The following SMG8 variants were observed in gnomAD, a reference collection of about 807,000 sequenced individuals.
SMG8 encodes the protein SMG8 nonsense mediated mRNA decay factor, also known as nonsense-mediated mRNA decay factor SMG8.
SMG8 carries 49 observed loss-of-function variants against 82.1 expected under a neutral mutation model. The ratio of observed to expected loss-of-function variants is 0.60; its 90% CI spans 0.47 to 0.76. The LOEUF (loss-of-function observed/expected upper bound fraction) is 0.76, where lower values mean the gene tolerates loss of function less well. Ranked by LOEUF, SMG8 falls within the 30% of genes least tolerant of loss-of-function variation. The pLI is 0.00. For synonymous variants in SMG8, 404 were observed against 430.0 expected, an observed-to-expected ratio of 0.94 and a Z score of 0.75; for missense variants, 969 against 1,166.4, an observed-to-expected ratio of 0.83 and a Z score of 2.46.
intron 1 of SMG8, 63 bp from the exon 2 acceptor site, chr17:59,212,278 A>G: frequency 7.0e-7 from 1 of 1,428,968 alleles, no homozygotes; most frequent in Non-Finnish European, 9.5e-7. Context: ...TAGATGTTGT[A>G]GAATGCAAAG....
chr17:59,213,517 A>G lies in SMG8; in HGVS notation c.2694A>G (p.Arg898=). The change falls in exon 3 of 4, where the codon AGA becomes AGG. Residue 898 remains arginine (R), a synonymous_variant. Coordinates refer to ENST00000300917, the MANE Select transcript of SMG8 (RefSeq NM_018149.7). ...ATATTCTGTCATCCTCTCAAGGTAG[A>G]GGGCTGAAACCTCATTATGCTCAAC... ...PLYILSSSQG[R]GLKPHYAQLM... The G allele has an allele frequency of 2.5e-6, 4 of 1,614,226 alleles. No homozygotes were observed. The highest frequency in any genetic ancestry group is 3.4e-6 in the Non-Finnish European group (4 of 1,180,040).
In SMG8 at chr17:59,210,255, G is replaced by T. The variant is rs1230928778; in HGVS notation, c.204G>T (p.Val68=). ...TGAATTCCGAGAAGTTCTCTCTTGT[G>T]AATACGGTGTGCGACCGACAGGTCT... ...LRLNSEKFSL[V]NTVCDRQVFP... is the part of the protein sequence containing the mutation. The change falls in exon 1 of 4, where the codon GTG becomes GTT. Residue 68 remains valine (V), a synonymous_variant. Transcript: ENST00000300917. 1 of 1,612,866 alleles carries T rather than the reference G, an allele frequency of 6.2e-7. No individual in the cohort carries two copies. Among genetic ancestry groups the T allele is most frequent in the Non-Finnish European group, 8.5e-7 (1 of 1,179,722 alleles).
Position 59,210,995 on chromosome 17 carries a change from G to C in SMG8, c.944G>C (p.Ser315Thr). The change falls in exon 1 of 4, where the codon AGT becomes ACT. Residue 315 changes from serine to threonine, a missense_variant. Around this residue, in one of 3 missense-constraint regions of SMG8, gnomAD observed 662 missense variants for 884.8 expected, o/e 0.75. Coordinates refer to ENST00000300917, the MANE Select transcript of SMG8 (RefSeq NM_018149.7). ...CAGATCTATAGAATCTTCCGGAAGA[G>C]TCGTGTCTTGACTAATCAGAGCATC... is the stretch of plus-strand genomic sequence containing the variant. ...EDQIYRIFRK[S>T]RVLTNQSINC... 3 of 1,614,234 alleles carry C rather than the reference G, an allele frequency of 1.9e-6. No individual in the cohort carries two copies. The highest frequency in any genetic ancestry group is 2.5e-6 in the Non-Finnish European group (3 of 1,180,052).
In SMG8 at chr17:59,215,097, A is replaced by T; in HGVS notation, c.*95A>T. 1 of 738,214 alleles carries T rather than the reference A, an allele frequency of 1.4e-6. No individual in the cohort carries two copies. The highest frequency in any genetic ancestry group is 2.2e-5 in the Admixed American group (1 of 44,664). 45.7% of individuals were successfully genotyped at this position (738,214 alleles called of 1,614,324 possible). On this transcript the variant is annotated 3_prime_UTR_variant, in exon 4 of 4. Transcript: ENST00000300917. ...GGTATGTGTTTACTGTGTTTTCCCAAATCCAAAATGTGTTTTGGTTACAGG... is the reference window on the plus strand; with the variant it reads ...GGTATGTGTTTACTGTGTTTTCCCATATCCAAAATGTGTTTTGGTTACAGG...
At chr17:59,212,586 A>G in intron 2 of SMG8, 100 bp downstream of exon 2, 1 of 1,480,178 alleles carries the variant, frequency 6.8e-7, no homozygotes, top group Non-Finnish European at 9.1e-7. Context: ...AGAAAAGCAA[A>G]TGCAACTGCA....
Position 59,210,754 on chromosome 17 carries a change from C to G in SMG8, c.703C>G (p.Gln235Glu). The G allele has an allele frequency of 6.2e-7, 1 of 1,614,064 alleles. No homozygotes were observed. The highest frequency in any genetic ancestry group is 1.3e-5 in the African/African-American group (1 of 75,032). ...RVFRALDGLRQKVLPLLKTAI... is the reference protein window; with the variant it reads ...RVFRALDGLREKVLPLLKTAI... The stretch of plus-strand genomic sequence containing the variant: ...ATTCAGAGCCCTGGATGGGCTGAGA[C>G]AGAAGGTCCTGCCGCTCCTTAAAAC... The change falls in exon 1 of 4, where the codon CAG becomes GAG. Residue 235 changes from glutamine to glutamate, a missense_variant. Around this residue, in one of 3 missense-constraint regions of SMG8, gnomAD observed 662 missense variants for 884.8 expected, o/e 0.75. Transcript: ENST00000300917.
At chr17:59,211,950 C>T in intron 1 of SMG8, 140 bp downstream of exon 1, 1 of 695,374 alleles carries the variant, frequency 1.4e-6, no homozygotes, top group Non-Finnish European at 2.1e-6. Context: ...TATACGTTTT[C>T]TCTCCTGCTG....
rs369964994 is a variant in SMG8, at chr17:59,210,150, C to T, written c.99C>T (p.Ser33=). The stretch of plus-strand genomic sequence containing the variant: ...GGTCCCCTACTGAGGGCGGAGGGAG[C>T]GCGGCTGGCGGACCGGAGCCTCCAT... ...PGGSPTEGGG[S]AAGGPEPPWR... Residue 33 remains serine, a synonymous_variant, in exon 1 of 4, where the codon AGC becomes AGT. Coordinates refer to ENST00000300917, the MANE Select transcript of SMG8 (RefSeq NM_018149.7). The T allele has an allele frequency of 3.8e-6, 6 of 1,585,848 alleles. No homozygotes were observed. Among genetic ancestry groups the T allele is most frequent in the Non-Finnish European group, 5.1e-6 (6 of 1,166,828 alleles).
rs745537982 is a variant in SMG8, at chr17:59,210,760, G to A, written c.709G>A (p.Val237Ile). The A allele has an allele frequency of 6.2e-7, 1 of 1,613,916 alleles. No homozygotes were observed. Among genetic ancestry groups the A allele is most frequent in the African/African-American group, 1.3e-5 (1 of 74,902 alleles). The change falls in exon 1 of 4, where the codon GTC (valine) becomes ATC (isoleucine). Residue 237 changes from valine (V) to isoleucine (I), a missense_variant. Val to Ile is a conservative substitution (Grantham distance 29). Around this residue, in one of 3 missense-constraint regions of SMG8, gnomAD observed 662 missense variants for 884.8 expected, o/e 0.75. Transcript: ENST00000300917. ...FRALDGLRQK[V>I]LPLLKTAIKD... is the part of the protein sequence containing the mutation. ...AGCCCTGGATGGGCTGAGACAGAAG[G>A]TCCTGCCGCTCCTTAAAACAGCCAT...
chr17:59,210,754 C>T lies in SMG8; in HGVS notation c.703C>T (p.Gln235Ter). The T allele has an allele frequency of 6.2e-7, 1 of 1,614,064 alleles. No individual in the cohort carries two copies. The highest frequency in any genetic ancestry group is 8.5e-7 in the Non-Finnish European group (1 of 1,179,986). Residue 235 changes from glutamine (Q) to a stop codon, truncating the protein, a stop_gained, in exon 1 of 4, where the codon CAG becomes TAG. Coordinates refer to ENST00000300917, the MANE Select transcript of SMG8 (RefSeq NM_018149.7). LOFTEE classifies it high-confidence loss of function. ...RVFRALDGLR[Q>*]KVLPLLKTAI... Reference sequence around the variant, plus strand: ...ATTCAGAGCCCTGGATGGGCTGAGACAGAAGGTCCTGCCGCTCCTTAAAAC... The same window carrying T: ...ATTCAGAGCCCTGGATGGGCTGAGATAGAAGGTCCTGCCGCTCCTTAAAAC...
At position 59,213,551 on chromosome 17, in the gene SMG8, C is replaced by T. The variant is rs766383000; in HGVS notation, c.2728C>T (p.Leu910Phe). The change falls in exon 3 of 4, where the codon CTT (leucine) becomes TTT (phenylalanine). Residue 910 changes from leucine to phenylalanine, a missense_variant. Leu to Phe is a conservative substitution (Grantham distance 22). Coordinates refer to ENST00000300917, the MANE Select transcript of SMG8 (RefSeq NM_018149.7). ...ACCTCATTATGCTCAACTTATGAGGCTTTTTGTTGTGGTTCCTGATGCTCC... is the reference window on the plus strand; with the variant it reads ...ACCTCATTATGCTCAACTTATGAGGTTTTTTGTTGTGGTTCCTGATGCTCC... ...LKPHYAQLMR[L>F]FVVVPDAPLQ... is the part of the protein sequence containing the mutation. 21 of 1,613,738 alleles carry T rather than the reference C, an allele frequency of 1.3e-5. No homozygotes were observed. The Admixed American group carries it at 3.0e-4, about 23-fold the overall frequency.
Position 59,211,717 on chromosome 17 carries a change from T to G in SMG8, c.1666T>G (p.Tyr556Asp). Residue 556 changes from tyrosine to aspartate, a missense_variant, in exon 1 of 4, where the codon TAC (tyrosine) becomes GAC (aspartate). Tyr to Asp is a radical substitution (Grantham distance 160). Transcript: ENST00000300917. ...CGCCATGCAGTTACATGAGGACTGC[T>G]ACAAATTTTGGAGCAATGGCCATCA... is the stretch of plus-strand genomic sequence containing the variant. ...KYAMQLHEDCYKFWSNGHQLC... is the reference protein window; with the variant it reads ...KYAMQLHEDCDKFWSNGHQLC... 1.2e-6 allele frequency: 2 copies of G among 1,613,812 alleles called. No homozygotes were observed. The highest frequency in any genetic ancestry group is 1.7e-6 in the Non-Finnish European group (2 of 1,179,930).
intron 3 of SMG8, among the ~76,000 whole-genome samples, chr17:59,214,574 A>T (rs1297310144): frequency 6.6e-6 from 1 of 151,666 alleles, no homozygotes; most frequent in Admixed American, 6.6e-5. Context: ...CACCTGACTA[A>T]TTTTTTGTAT....
Position 59,210,507 on chromosome 17 carries a change from C to T in SMG8, c.456C>T (p.Leu152=), listed in dbSNP as rs1174343616. ...YSQESKVLYL[L]LTSICDNSQL... ...AGGAAAGCAAAGTTCTGTATCTTCT[C>T]CTCACCTCCATCTGTGACAATTCAC... The change falls in exon 1 of 4, where the codon CTC becomes CTT. Residue 152 remains leucine (L), a synonymous_variant. Transcript: ENST00000300917. 6.4e-7 allele frequency: 1 copy of T among 1,568,736 alleles called. No homozygotes were observed. The highest frequency in any genetic ancestry group is 2.2e-5 in the East Asian group (1 of 44,658).
At position 59,210,367 on chromosome 17, in the gene SMG8, G is replaced by A; in HGVS notation, c.316G>A (p.Glu106Lys). 1.2e-6 allele frequency: 2 copies of A among 1,611,068 alleles called. No homozygotes were observed. Among genetic ancestry groups the A allele is most frequent in the Non-Finnish European group, 1.7e-6 (2 of 1,178,832 alleles). Residue 106 changes from glutamate to lysine, a missense_variant, in exon 1 of 4, where the codon GAG (glutamate) becomes AAG (lysine). Glu to Lys is a moderately conservative substitution (Grantham distance 56, BLOSUM62 1). Around this residue, in one of 3 missense-constraint regions of SMG8, gnomAD observed 206 missense variants for 190.5 expected, o/e 1.08. Transcript: ENST00000300917. Reference protein sequence around the residue: ...AGAVGEAGGAEDPGAAAGGSV... With the variant: ...AGAVGEAGGAKDPGAAAGGSV... The stretch of plus-strand genomic sequence containing the variant: ...CGCCGTGGGTGAGGCCGGTGGAGCC[G>A]AGGACCCTGGGGCTGCAGCCGGGGG...
chr17:59,214,081 G>A (rs1447008097), intron 3 of SMG8, among the ~76,000 whole-genome samples: 5 of 152,044 alleles, frequency 3.3e-5, no homozygotes, highest in African/African-American at 9.7e-5. Context: ...TCAGGAGTTC[G>A]AGACAAGCCT....
In SMG8 at chr17:59,212,438, T is replaced by C. The variant is rs2046949866; in HGVS notation, c.1857T>C (p.Pro619=). 1.9e-6 allele frequency: 3 copies of C among 1,609,410 alleles called. No individual in the cohort carries two copies. Among genetic ancestry groups the C allele is most frequent in the Non-Finnish European group, 2.5e-6 (3 of 1,176,480 alleles). ...GCAACTGTGGAAGGAAACAAGCACC[T>C]CGAGATGATCCCTTTGATATCAAAG... ...GACNCGRKQA[P]RDDPFDIKAA... The change falls in exon 2 of 4, where the codon CCT becomes CCC. Residue 619 remains proline, a synonymous_variant. Coordinates refer to ENST00000300917, the MANE Select transcript of SMG8 (RefSeq NM_018149.7).
chr17:59,214,522 G>C (rs898305217), intron 3 of SMG8, among the ~76,000 whole-genome samples: 2 of 151,916 alleles, frequency 1.3e-5, no homozygotes, highest in African/African-American at 4.8e-5. Flanking sequence ...CTGTTCTCCT[G>C]CCCCAGCCTC....
In SMG8 at chr17:59,210,166, G is replaced by A; in HGVS notation, c.115G>A (p.Glu39Lys). The part of the protein sequence containing the change: ...EGGGSAAGGP[E>K]PPWREDEICV... ...CGGAGGGAGCGCGGCTGGCGGACCG[G>A]AGCCTCCATGGCGGGAGGATGAGAT... The change falls in exon 1 of 4, where the codon GAG (glutamate) becomes AAG (lysine). Residue 39 changes from glutamate to lysine, a missense_variant. By Grantham distance (56) the Glu-to-Lys change is moderately conservative. Around this residue, in one of 3 missense-constraint regions of SMG8, gnomAD observed 206 missense variants for 190.5 expected, o/e 1.08. Transcript: ENST00000300917. 1 of 1,591,222 alleles carries A rather than the reference G, an allele frequency of 6.3e-7. No homozygotes were observed. The highest frequency in any genetic ancestry group is 8.6e-7 in the Non-Finnish European group (1 of 1,169,094).
Sources: allele counts gnomAD v4.1 joint callset (sites outside exome capture counted in the v4.1 genomes callset), GRCh38; gene constraint gnomAD v4.1.1; regional missense constraint gnomAD v4.1.1; transcripts MANE v1.5; gene names NCBI Gene and HGNC (gene_info 2026-07-23, HGNC 2026-07-21).